The following TMCO6 variants were observed in gnomAD, a reference collection of about 807,000 sequenced individuals.
TMCO6 encodes the protein transmembrane and coiled-coil domains 6, also known as transmembrane and coiled-coil domain-containing protein 6.
In TMCO6, 47 loss-of-function variants were observed where a neutral mutation model predicts 61.8. That is an observed-to-expected ratio of 0.76 (90% CI 0.60 to 0.97). The LOEUF (loss-of-function observed/expected upper bound fraction) is 0.97, where lower values mean the gene tolerates loss of function less well. Among genes scored for constraint, TMCO6 ranks in the 50% least tolerant of loss-of-function variants. TMCO6 has a pLI of 0.00. For synonymous variants in TMCO6, 261 were observed against 254.2 expected (o/e 1.03, Z -0.25); for missense variants, 557 against 601.6 (o/e 0.93, Z 0.78).
rs766429366 is a variant in TMCO6 at position 140,642,347 on chromosome 5, C to T, written c.531C>T (p.Ile177=). ...GTCTGTATACACTGGGTAACCTGATCGTGGAGAGTGAGGCTGTGAGAAGGC... is the reference window on the plus strand; with the variant it reads ...GTCTGTATACACTGGGTAACCTGATTGTGGAGAGTGAGGCTGTGAGAAGGC... The part of the protein sequence containing the change: ...ELCLYTLGNL[I]VESEAVRRQL... Residue 177 remains isoleucine, a synonymous_variant, in exon 5 of 12, where the codon ATC becomes ATT. Coordinates refer to ENST00000394671, the MANE Select transcript of TMCO6 (RefSeq NM_018502.5). The T allele has an allele frequency of 3.5e-5, 57 of 1,613,710 alleles. No individual in the cohort carries two copies. In the East Asian group the frequency reaches 9.6e-4, roughly 27 times the overall value.
the TMCO6 span, among the ~76,000 whole-genome samples, chr5:140,621,252 G>A: frequency 6.6e-6 from 1 of 152,246 alleles, no homozygotes; most frequent in African/African-American, 2.4e-5. Flanking sequence ...CCTGTTGCAG[G>A]AAGTCAGGGA....
At chr5:140,632,433 G>T in the TMCO6 span, 1 of 1,614,220 alleles carries the variant, frequency 6.2e-7, no homozygotes, top group Non-Finnish European at 8.5e-7. The surrounding 1 kb of genome is among the most constrained non-coding windows in gnomAD (Gnocchi z 6.2). Context: ...GCAGGAAAAG[G>T]CAGGCGAGTG....
upstream of TMCO6, chr5:140,639,392 C>A: frequency 1.1e-6 from 1 of 873,464 alleles, no homozygotes. Flanking sequence ...CGCCCTCACC[C>A]AGCACCCACC....
chr5:140,644,855 G>C lies in TMCO6; in HGVS notation c.1368+115G>C, dbSNP rs909640632. The C allele has an allele frequency of 3.3e-6, 5 of 1,514,958 alleles. No homozygotes were observed. In the African/African-American group the frequency reaches 5.5e-5, roughly 17 times the overall value. The allele number at this position is 1,514,958 out of a possible 1,614,324, so 93.8% of individuals were successfully genotyped here. A position where few individuals can be genotyped will look rare whatever the true frequency, so the allele number is the denominator to read the frequency against. ...CTCTGGGCCTGGCTAACCTATATAG[G>C]TTCCATGTCAGAAACTTCATCCTCT... On this transcript the variant is annotated intron_variant, in intron 11 of 11. Transcript: ENST00000394671.
At position 140,641,717 on chromosome 5, in the gene TMCO6, A is replaced by AGT. The variant is rs756502112; in HGVS notation, c.252_253insTG (p.Gly85TrpfsTer34). ...CGGGGGACAGAGGAAAAGGAGAGAG[A>AGT]GGGGGCTCTGGTCAGCCTTCGTCGA... On this transcript the variant is annotated frameshift_variant, in exon 3 of 12. Coordinates refer to ENST00000394671, the MANE Select transcript of TMCO6 (RefSeq NM_018502.5). LOFTEE classifies it high-confidence loss of function. 3 of 1,614,160 alleles carry AGT rather than the reference A, an allele frequency of 1.9e-6. No homozygotes were observed. The highest frequency in any genetic ancestry group is 2.5e-6 in the Non-Finnish European group (3 of 1,180,042).
chr5:140,646,737 T>C (rs1039387185), downstream of TMCO6, among the ~76,000 whole-genome samples: 3 of 152,228 alleles, frequency 2.0e-5, no homozygotes, highest in Admixed American at 6.5e-5. Flanking sequence ...TGTTAAACTC[T>C]AGCTGCATCT....
the TMCO6 span, among the ~76,000 whole-genome samples, chr5:140,622,665 G>A: frequency 6.8e-6 from 1 of 146,686 alleles, no homozygotes; most frequent in African/African-American, 2.5e-5. Flanking sequence ...ACGAAAATAA[G>A]AAATGTGCTA....
the TMCO6 span, among the ~76,000 whole-genome samples, chr5:140,630,153 C>A: frequency 1.1e-4 from 16 of 151,714 alleles, no homozygotes; most frequent in South Asian, 3.3e-3. Context: ...GCCACCACAC[C>A]CGGCTAATTT....
chr5:140,615,995 T>C, the TMCO6 span, among the ~76,000 whole-genome samples: 1 of 151,938 alleles, frequency 6.6e-6, no homozygotes, highest in African/African-American at 2.4e-5. Flanking sequence ...AACCAGGCGT[T>C]ATGGCAGGCA....
At chr5:140,639,433 G>A (rs1037957145), upstream of TMCO6, 315 of 1,318,954 alleles carry the variant, frequency 2.4e-4, no homozygotes, top group Admixed American at 5.7e-4. Flanking sequence ...GCCTGTTCCC[G>A]CCCTGTGCTG....
At chr5:140,617,523 C>T in the TMCO6 span, among the ~76,000 whole-genome samples, 1 of 152,166 alleles carries the variant, frequency 6.6e-6, no homozygotes, top group Non-Finnish European at 1.5e-5. Flanking sequence ...GTACTCCAGC[C>T]TGGGCAACAG....
At chr5:140,606,140 TC>T in the TMCO6 span, among the ~76,000 whole-genome samples, 1 of 123,704 alleles carries the variant, frequency 8.1e-6, no homozygotes, top group Non-Finnish European at 1.6e-5. Context: ...TCCCCTTCCT[TC>T]CTTCCTTCCT....
chr5:140,610,166 T>G, the TMCO6 span, among the ~76,000 whole-genome samples: 1 of 119,580 alleles, frequency 8.4e-6, no homozygotes, highest in Non-Finnish European at 1.6e-5. Flanking sequence ...CTGGGCAACA[T>G]GGTGAAACCC....
chr5:140,643,366 T>G (rs1362975424), intron 7 of TMCO6, 198 bp from the exon 8 acceptor site: 1 of 622,050 alleles, frequency 1.6e-6, no homozygotes, highest in Non-Finnish European at 2.8e-6. Flanking sequence ...CCGGCTAATT[T>G]TTGTATTTCT....
rs750199302 is a variant in TMCO6 at position 140,643,034 on chromosome 5, A to G, written c.799A>G (p.Ile267Val). ...VEFAWCLHYIICSQVSNPLLI... is the reference protein window; with the variant it reads ...VEFAWCLHYIVCSQVSNPLLI... Reference sequence around the variant, plus strand: ...GTTTGCCTGGTGCCTTCATTACATCATCTGCAGGTAACAGGGCAATTGGGA... The same window carrying G: ...GTTTGCCTGGTGCCTTCATTACATCGTCTGCAGGTAACAGGGCAATTGGGA... The change falls in exon 7 of 12, where the codon ATC (isoleucine) becomes GTC (valine). Residue 267 changes from isoleucine (I) to valine (V), a missense_variant. Physicochemically the swap from Ile to Val is conservative, Grantham distance 29. Coordinates refer to ENST00000394671, the MANE Select transcript of TMCO6 (RefSeq NM_018502.5). The G allele has an allele frequency of 1.9e-6, 3 of 1,614,012 alleles. No individual in the cohort carries two copies. Among genetic ancestry groups the G allele is most frequent in the African/African-American group, 2.7e-5 (2 of 74,912 alleles).
At position 140,643,659 on chromosome 5, in the gene TMCO6, A is replaced by C. The variant is rs367892837; in HGVS notation, c.902A>C (p.Asp301Ala). The C allele has an allele frequency of 1.1e-5, 18 of 1,612,820 alleles. No individual in the cohort carries two copies. The highest frequency in any genetic ancestry group is 1.4e-5 in the Non-Finnish European group (17 of 1,179,376). Residue 301 changes from aspartate (D) to alanine (A), a missense_variant, in exon 8 of 12, where the codon GAT becomes GCT. Transcript: ENST00000394671. ...GCTGGGGCTGTCCAGAAAACCGAGG[A>C]TGCAGGACTGGAGCTGGTAGGTGAA... Reference protein sequence around the residue: ...DLAGAVQKTEDAGLELLACPV... With the variant: ...DLAGAVQKTEAAGLELLACPV...
At chr5:140,622,724 CAAAA>C in the TMCO6 span, among the ~76,000 whole-genome samples, 36,751 of 105,772 alleles carry the variant, frequency 0.35, 3,911 homozygotes, top group Non-Finnish European at 0.36. Context: ...GCTTTAGCTA[CAAAA>C]AAAAAAAAAA....
At chr5:140,632,423 G>T in the TMCO6 span, 5 of 1,614,090 alleles carry the variant, frequency 3.1e-6, no homozygotes, top group African/African-American at 2.7e-5. This position sits in a 1 kb window ranked among gnomAD's most constrained non-coding sequence, Gnocchi z 6.2. Context: ...GAACCTGTTC[G>T]CAGGAAAAGG....
the TMCO6 span, among the ~76,000 whole-genome samples, chr5:140,616,394 A>C: frequency 6.6e-6 from 1 of 151,888 alleles, no homozygotes; most frequent in Admixed American, 6.6e-5. Context: ...CCATATCTCT[A>C]CAAAAAAAAT....
Sources: gnomAD v4.1 joint callset for allele counts (sites outside exome capture counted in the v4.1 genomes callset) on GRCh38, gnomAD v4.1.1 for gene constraint, Gnocchi (gnomAD v3.1) non-coding constraint, MANE v1.5 for transcripts, NCBI Gene and HGNC (gene_info 2026-07-23, HGNC 2026-07-21) for gene names.